ERAP1: variants seen among roughly 807,000 people sequenced by gnomAD.
The protein encoded by ERAP1 is adipocyte-derived leucine aminopeptidase.
ERAP1 carries 86 observed loss-of-function variants against 103.7 expected under a neutral mutation model. That is an observed-to-expected ratio of 0.83 (90% CI 0.70 to 0.99). ERAP1 has a LOEUF of 0.99. Ranked by LOEUF, ERAP1 falls within the 50% of genes least tolerant of loss-of-function variation. The pLI, the probability that ERAP1 is intolerant of heterozygous loss-of-function variation, is 0.00. For missense variants in ERAP1, 1,009 were observed against 1,128.4 expected, an observed-to-expected ratio of 0.89 and a Z score of 1.52; for synonymous variants, 398 against 402.4, an observed-to-expected ratio of 0.99 and a Z score of 0.13.
chr5:96,850,397 A>G, the ERAP1 span, among the ~76,000 whole-genome samples: 1 of 152,190 alleles, frequency 6.6e-6, no homozygotes, highest in East Asian at 1.9e-4. Context: ...AATAATAAGA[A>G]AACAAATAAC....
At chr5:96,922,276 C>G in the ERAP1 span, among the ~76,000 whole-genome samples, 412 of 152,068 alleles carry the variant, frequency 2.7e-3, 3 homozygotes, top group African/African-American at 9.5e-3. Flanking sequence ...CCGGCCTGGG[C>G]GACAGAGAGA....
the ERAP1 span, chr5:96,912,552 T>C: frequency 2.2e-6 from 2 of 914,040 alleles, no homozygotes; most frequent in Non-Finnish European, 3.3e-6. Context: ...TCAGAGATTA[T>C]TGTGTTATAG....
the ERAP1 span, among the ~76,000 whole-genome samples, chr5:96,856,585 C>T: frequency 6.6e-6 from 1 of 151,924 alleles, no homozygotes; most frequent in African/African-American, 2.4e-5. Context: ...AGCTAGTTCA[C>T]TGTTCTCAGT....
At chr5:96,854,970 A>G in the ERAP1 span, among the ~76,000 whole-genome samples, 1 of 151,752 alleles carries the variant, frequency 6.6e-6, no homozygotes, top group Non-Finnish European at 1.5e-5. Flanking sequence ...AAAATCTAGC[A>G]GTTTTTCAAA....
chr5:96,768,142 G>A, intron 19 of ERAP1: 1 of 678,452 alleles, frequency 1.5e-6, no homozygotes, highest in Non-Finnish European at 2.6e-6. Context: ...GGAGTGCAGT[G>A]GTGTGATCTC....
At chr5:96,896,798 C>T in the ERAP1 span, 150 of 1,360,784 alleles carry the variant, frequency 1.1e-4, no homozygotes, top group Non-Finnish European at 1.4e-4. Context: ...AGGAATAATT[C>T]AGTACTTAAA....
Position 96,783,206 on chromosome 5 carries a change from G to A in ERAP1, c.2130C>T (p.Leu710=), listed in dbSNP as rs1775472251. The A allele has an allele frequency of 6.2e-7, 1 of 1,613,052 alleles. No homozygotes were observed. Among genetic ancestry groups the A allele is most frequent in the Non-Finnish European group, 8.5e-7 (1 of 1,179,132 alleles). Reference sequence around the variant, plus strand: ...CGTCTGTCCATGTCTGCTTATCAATGAGGTCCCTTAGCAGCCTGATGAGGA... The same window carrying A: ...CGTCTGTCCATGTCTGCTTATCAATAAGGTCCCTTAGCAGCCTGATGAGGA... The part of the protein sequence containing the change: ...KAFLIRLLRD[L]IDKQTWTDEG... The change falls in exon 15 of 19, where the codon CTC becomes CTT. Residue 710 remains leucine, a synonymous_variant. Coordinates refer to ENST00000443439, the MANE Select transcript of ERAP1 (RefSeq NM_001040458.3).
the ERAP1 span, among the ~76,000 whole-genome samples, chr5:96,820,221 A>AT: frequency 6.6e-6 from 1 of 152,250 alleles, no homozygotes; most frequent in African/African-American, 2.4e-5. Flanking sequence ...TCAAGTATAT[A>AT]TTTAATCTGG....
At chr5:96,785,583 A>T (rs945180395) in intron 13 of ERAP1, 3 of 599,298 alleles carry the variant, frequency 5.0e-6, no homozygotes, top group Non-Finnish European at 8.9e-6. Flanking sequence ...TAAGATACAG[A>T]TTCCTTCCTT....
the ERAP1 span, among the ~76,000 whole-genome samples, chr5:96,836,500 T>C: frequency 6.6e-6 from 1 of 152,170 alleles, no homozygotes; most frequent in African/African-American, 2.4e-5. Flanking sequence ...CCACGCCTGG[T>C]CCACATCTTT....
chr5:96,770,709 T>C, downstream of ERAP1: 1 of 750,702 alleles, frequency 1.3e-6, no homozygotes, highest in Non-Finnish European at 2.3e-6. Context: ...AGAATAAAAT[T>C]TCTTAAAGTA....
At chr5:96,935,202 G>A in the ERAP1 span, 6 of 152,210 alleles carry the variant, frequency 3.9e-5, no homozygotes, top group African/African-American at 1.4e-4. Context: ...CGGAACAGGC[G>A]GGCCTTCTGC....
chr5:96,906,570 G>T, the ERAP1 span, among the ~76,000 whole-genome samples: 1 of 152,208 alleles, frequency 6.6e-6, no homozygotes, highest in Non-Finnish European at 1.5e-5. Context: ...ACCCAGAATG[G>T]AGAGAGAATT....
the ERAP1 span, chr5:96,895,381 T>C: frequency 7.1e-7 from 1 of 1,410,752 alleles, no homozygotes; most frequent in Non-Finnish European, 1.0e-6. Flanking sequence ...ATTCTGTGTA[T>C]CATACTATAT....
At chr5:96,886,611 T>G in the ERAP1 span, 1 of 1,446,510 alleles carries the variant, frequency 6.9e-7, no homozygotes, top group Non-Finnish European at 9.3e-7. Flanking sequence ...GGTTATGAAA[T>G]ACTCCAGTTT....
the ERAP1 span, among the ~76,000 whole-genome samples, chr5:96,907,573 A>AT: frequency 0.12 from 18,106 of 148,224 alleles, 1,171 homozygotes; most frequent in Middle Eastern, 0.2. Flanking sequence ...CATTTTGTGG[A>AT]TTTTTTTTTT....
chr5:96,907,753 C>G, the ERAP1 span, among the ~76,000 whole-genome samples: 7 of 151,922 alleles, frequency 4.6e-5, no homozygotes, highest in African/African-American at 1.7e-4. Context: ...CATGGTGGCA[C>G]ATGGCTATAA....
the ERAP1 span, chr5:96,919,714 T>C: frequency 6.6e-6 from 1 of 152,312 alleles, no homozygotes; most frequent in Non-Finnish European, 1.5e-5. Context: ...TGTATTGTAC[T>C]TATTAGTGTA....
intron 11 of ERAP1, among the ~76,000 whole-genome samples, chr5:96,787,769 A>G (rs1407248224): frequency 1.1e-5 from 1 of 90,516 alleles, no homozygotes; most frequent in African/African-American, 3.9e-5. Context: ...AAGATGGGGG[A>G]GGGAGGTGTA....
Sources: gnomAD v4.1 joint callset for allele counts (sites outside exome capture counted in the v4.1 genomes callset) on GRCh38, gnomAD v4.1.1 for gene constraint, MANE v1.5 for transcripts, NCBI Gene and HGNC (gene_info 2026-07-23, HGNC 2026-07-21) for gene names.